ATP6V1E2: variants seen among roughly 807,000 people sequenced by gnomAD.
The protein encoded by ATP6V1E2 is ATPase H+ transporting V1 subunit E2, also known as V-type proton ATPase subunit E 2.
For missense variants in ATP6V1E2, 308 were observed against 273.3 expected, an observed-to-expected ratio of 1.13 and a Z score of -0.90; for synonymous variants, 121 against 104.2, an observed-to-expected ratio of 1.16 and a Z score of -0.98.
intron 4 of ATP6V1E2, among the ~76,000 whole-genome samples, chr2:46,528,556 C>T (rs150747694): frequency 1.3e-3 from 193 of 152,340 alleles, no homozygotes; most frequent in Middle Eastern, 6.8e-3. Context: ...TCCCTTCTCC[C>T]GCCTCATGAG....
intron 4 of ATP6V1E2, among the ~76,000 whole-genome samples, chr2:46,532,354 G>C (rs1207691236): frequency 7.5e-6 from 1 of 133,958 alleles, no homozygotes; most frequent in Non-Finnish European, 1.6e-5. Flanking sequence ...ATTCCACTTT[G>C]TCTTTACTGT....
intron 4 of ATP6V1E2, among the ~76,000 whole-genome samples, chr2:46,522,301 T>C (rs1365058904): frequency 6.9e-6 from 1 of 145,700 alleles, no homozygotes. Context: ...AAAAAAAGGA[T>C]AATGGCAGAA....
rs1466337022 is a variant in ATP6V1E2 at position 46,535,585 on chromosome 2, C to G, written c.-102+228G>C. The G allele has an allele frequency of 6.6e-6, 1 of 152,214 alleles. No individual in the cohort carries two copies. Among genetic ancestry groups the G allele is most frequent in the Non-Finnish European group, 1.5e-5 (1 of 68,052 alleles). The allele number at this position is 152,214 out of a possible 1,614,324, so 9.4% of individuals were successfully genotyped here. On this transcript the variant is annotated intron_variant, in intron 4 of 4. Coordinates refer to ENST00000522587, the MANE Select transcript of ATP6V1E2 (RefSeq NM_001318063.2). The surrounding 1 kb of genome is among the most constrained non-coding windows in gnomAD (Gnocchi z 4.4). ...CATGTGTACAGTTGTCACTTCTGAA[C>G]CAGGAACTCAATTATACCACAACCA... is the stretch of plus-strand genomic sequence containing the variant.
At chr2:46,541,786 G>C (rs1558675840) in intron 1 of ATP6V1E2, 1 of 152,466 alleles carries the variant, frequency 6.6e-6, no homozygotes, top group East Asian at 1.9e-4. Flanking sequence ...GACCTGGCCA[G>C]ATGGGTGTGT....
intron 4 of ATP6V1E2, among the ~76,000 whole-genome samples, chr2:46,522,061 G>A (rs1666661652): frequency 6.6e-6 from 1 of 152,120 alleles, no homozygotes; most frequent in Non-Finnish European, 1.5e-5. Context: ...TTGGGAGGCA[G>A]AGGTAGAGGA....
chr2:46,512,014 C>G lies in ATP6V1E2; in HGVS notation c.*17G>C, dbSNP rs771011162. ...TTATGGTTTAGTGGTTCAACACTAG[C>G]TTCACTTCCCAGAGGCTTATATAAA... On this transcript the variant is annotated 3_prime_UTR_variant, in exon 5 of 5. Transcript: ENST00000522587. The G allele has an allele frequency of 1.3e-6, 2 of 1,548,056 alleles. No homozygotes were observed. The highest frequency in any genetic ancestry group is 2.5e-5 in the South Asian group (2 of 78,734).
intron 4 of ATP6V1E2, among the ~76,000 whole-genome samples, chr2:46,531,818 G>A (rs1425254841): frequency 1.3e-5 from 2 of 151,990 alleles, no homozygotes; most frequent in East Asian, 3.8e-4. Context: ...GTGCTTGTTG[G>A]TGATTTATAT....
intron 2 of ATP6V1E2, among the ~76,000 whole-genome samples, chr2:46,538,824 C>T (rs771554699): frequency 6.6e-6 from 1 of 152,110 alleles, no homozygotes. Flanking sequence ...AATTCTCAGG[C>T]AAGGCTTGGT....
In ATP6V1E2 at chr2:46,512,286, G is replaced by A; in HGVS notation, c.426C>T (p.Leu142=). ...CTTTTTGTACAGCAGCCTCCACCAGGAGGAGGTCTTGTGGCCGGCAGCGTA... is the reference window on the plus strand; with the variant it reads ...CTTTTTGTACAGCAGCCTCCACCAGAAGGAGGTCTTGTGGCCGGCAGCGTA... ...MIVRCRPQDL[L]LVEAAVQKAI... Residue 142 remains leucine (L), a synonymous_variant, in exon 5 of 5, where the codon CTC becomes CTT. Transcript: ENST00000522587. The A allele has an allele frequency of 6.2e-7, 1 of 1,611,416 alleles. No homozygotes were observed. Among genetic ancestry groups the A allele is most frequent in the Admixed American group, 1.7e-5 (1 of 59,788 alleles).
At chr2:46,533,026 C>A (rs551923088) in intron 4 of ATP6V1E2, among the ~76,000 whole-genome samples, 246 of 150,922 alleles carry the variant, frequency 1.6e-3, no homozygotes, top group Admixed American at 4.0e-3. Flanking sequence ...TAATATACTG[C>A]TATTAGTTTT....
At chr2:46,534,460 AT>A (rs1228908789) in intron 4 of ATP6V1E2, 2 of 151,272 alleles carry the variant, frequency 1.3e-5, no homozygotes, top group Non-Finnish European at 3.0e-5. Flanking sequence ...TTTTATTTTA[AT>A]TTTTTAAGTC....
At chr2:46,520,853 C>CTT (rs545300296) in intron 4 of ATP6V1E2, among the ~76,000 whole-genome samples, 1 of 148,494 alleles carries the variant, frequency 6.7e-6, no homozygotes, top group Non-Finnish European at 1.5e-5. Context: ...GGAAGGGAGG[C>CTT]TTTTTTTTTT....
chr2:46,525,655 A>C lies in ATP6V1E2; in HGVS notation c.-102+10158T>G, dbSNP rs559422495. ...CAGTTGCTGATGAGTAAGGAGCCAC[A>C]TAGAGTTTTATTCCAAGAACTCCAC... On this transcript the variant is annotated intron_variant, in intron 4 of 4. Coordinates refer to ENST00000522587, the MANE Select transcript of ATP6V1E2 (RefSeq NM_001318063.2). 1.3e-3 allele frequency among the ~76,000 whole-genome samples: 197 copies of C among 152,234 alleles called. 5 individuals are homozygous for C. The South Asian group carries it at 0.039, about 30-fold the overall frequency.
At chr2:46,529,247 A>G (rs1423964246) in intron 4 of ATP6V1E2, among the ~76,000 whole-genome samples, 1 of 152,208 alleles carries the variant, frequency 6.6e-6, no homozygotes, top group Non-Finnish European at 1.5e-5. Flanking sequence ...TCACCATGAC[A>G]AGTCCTGGCT....
intron 4 of ATP6V1E2, among the ~76,000 whole-genome samples, chr2:46,521,213 G>T (rs1173774776): frequency 6.6e-6 from 1 of 152,170 alleles, no homozygotes; most frequent in Non-Finnish European, 1.5e-5. Flanking sequence ...TGCCTGGCCT[G>T]GGAAGGATCT....
At chr2:46,517,061 C>T (rs1178935101) in intron 4 of ATP6V1E2, among the ~76,000 whole-genome samples, 1 of 152,152 alleles carries the variant, frequency 6.6e-6, no homozygotes, top group Admixed American at 6.6e-5. Flanking sequence ...AGCTAAAGGT[C>T]TCACATTTCC....
At chr2:46,537,064 T>A (rs571431197) in intron 2 of ATP6V1E2, among the ~76,000 whole-genome samples, 91 of 152,318 alleles carry the variant, frequency 6.0e-4, no homozygotes, top group Non-Finnish European at 1.1e-3. Context: ...ATTACAGGTA[T>A]AAGCCACTTT....
intron 4 of ATP6V1E2, among the ~76,000 whole-genome samples, chr2:46,533,124 T>C (rs10175812): frequency 0.53 from 79,017 of 147,718 alleles, 21,567 homozygotes; most frequent in East Asian, 0.82. Context: ...ATATATCTAA[T>C]GTTATATTAT....
At chr2:46,540,613 CTTTTTTTTTTTTT>C (rs59810518) in intron 2 of ATP6V1E2, among the ~76,000 whole-genome samples, 68,894 of 116,402 alleles carry the variant, frequency 0.59, 18,865 homozygotes, top group East Asian at 0.84. Context: ...TTTTCTGTAA[CTTTTTTTTTTTTT>C]TTTTTTTTTT....
Sources: gnomAD v4.1 joint callset for allele counts (sites outside exome capture counted in the v4.1 genomes callset) on GRCh38, gnomAD v4.1.1 for gene constraint, Gnocchi (gnomAD v3.1) non-coding constraint, MANE v1.5 for transcripts, NCBI Gene and HGNC (gene_info 2026-07-23, HGNC 2026-07-21) for gene names.